Variants in FCHSD1 observed in about 807,000 individuals in gnomAD.
The protein encoded by FCHSD1 is F-BAR and double SH3 domains protein 1.
In FCHSD1, 109 loss-of-function variants were observed where a neutral mutation model predicts 101.3. The observed-to-expected ratio is 1.08, with a 90% confidence interval of 0.92 to 1.26. The LOEUF (loss-of-function observed/expected upper bound fraction) is 1.26. Among genes scored for constraint, FCHSD1 ranks in the 50% most tolerant of loss-of-function variants. The pLI is 0.00. For missense variants in FCHSD1, 820 were observed against 895.8 expected (o/e 0.92, Z 1.08); for synonymous variants, 291 against 356.8 (o/e 0.82, Z 2.08).
Position 141,640,624 on chromosome 5 carries a change from C to G in FCHSD1, c.*874G>C, listed in dbSNP as rs1410605800. On this transcript the variant is annotated 3_prime_UTR_variant, in exon 20 of 20. Transcript: ENST00000435817. ...CTGGAGCCCCAGGGGAAAAGCTGGA[C>G]ACAGCTTGAACAGGAAGCAACAGTG... is the stretch of plus-strand genomic sequence containing the variant. 3 of 1,539,472 alleles carry G rather than the reference C, an allele frequency of 1.9e-6. No homozygotes were observed. Among genetic ancestry groups the G allele is most frequent in the Non-Finnish European group, 2.6e-6 (3 of 1,144,864 alleles).
In FCHSD1 at chr5:141,649,904, G is replaced by A. The variant is rs370538741; in HGVS notation, c.216C>T (p.Ser72=). The part of the protein sequence containing the change: ...GPFLKREGHR[S]GEMDSRGRTV... ...GGGCCCACCTGCTGTCCATCTCACC[G>A]CTCCGGTGCCCTTCCCTCTTCAGGA... is the stretch of plus-strand genomic sequence containing the variant. The change falls in exon 4 of 20, where the codon AGC becomes AGT. Residue 72 remains serine (S), a synonymous_variant. Transcript: ENST00000435817. The surrounding 1 kb of genome is among the most constrained non-coding windows in gnomAD (Gnocchi z 4.1). 45 of 1,549,614 alleles carry A rather than the reference G, an allele frequency of 2.9e-5. No homozygotes were observed. Among genetic ancestry groups the A allele is most frequent in the Admixed American group, 1.4e-4 (7 of 49,554 alleles).
At chr5:141,650,891 G>A (rs1236356566) in intron 2 of FCHSD1, 129 bp downstream of exon 2, 1 of 854,044 alleles carries the variant, frequency 1.2e-6, no homozygotes, top group African/African-American at 1.7e-5. Flanking sequence ...CAGGCCTAGG[G>A]TGAGGGCTGT....
intron 18 of FCHSD1, chr5:141,642,208 A>G: frequency 1.9e-6 from 1 of 535,530 alleles, no homozygotes; most frequent in South Asian, 2.4e-5. Context: ...AGCAACATGA[A>G]TGGAGTTGGA....
intron 2 of FCHSD1, 92 bp from the exon 3 acceptor site, chr5:141,650,496 G>C (rs1383551321): frequency 1.6e-5 from 24 of 1,525,876 alleles, no homozygotes; most frequent in Non-Finnish European, 2.1e-5. Flanking sequence ...GGGCAGGAGG[G>C]AGCGGTTGGG....
At chr5:141,647,005 G>T in intron 10 of FCHSD1, 130 bp downstream of exon 10, 1 of 960,134 alleles carries the variant, frequency 1.0e-6, no homozygotes, top group Non-Finnish European at 1.5e-6. Context: ...AGGGAGGTGA[G>T]CTGGAGTTCT....
chr5:141,645,311 T>C (rs1562387701), intron 13 of FCHSD1, among the ~76,000 whole-genome samples, 163 bp from the exon 14 acceptor site: 1 of 136,140 alleles, frequency 7.3e-6, no homozygotes, highest in African/African-American at 2.9e-5. Context: ...AGCAGGATAA[T>C]ACTAACAGTA....
At chr5:141,646,220 G>C in intron 11 of FCHSD1, 29 bp from the exon 12 acceptor site, 2 of 1,560,490 alleles carry the variant, frequency 1.3e-6, no homozygotes, top group Non-Finnish European at 1.7e-6. Flanking sequence ...AACAGGGGTG[G>C]GTGGAAATAC....
chr5:141,647,943 T>C (rs764283802), intron 8 of FCHSD1, 25 bp downstream of exon 8: 3 of 1,609,956 alleles, frequency 1.9e-6, no homozygotes, highest in Non-Finnish European at 2.5e-6. Context: ...TGCTGAGGGA[T>C]AGGGGTGTCT....
chr5:141,642,578 A>C, intron 18 of FCHSD1: 2 of 552,742 alleles, frequency 3.6e-6, no homozygotes, highest in Non-Finnish European at 6.3e-6. Flanking sequence ...AAAAATAATG[A>C]TACAAAGCTA....
chr5:141,647,171 G>A lies in FCHSD1; in HGVS notation c.888C>T (p.Thr296=), dbSNP rs1261158630. The change falls in exon 10 of 20, where the codon ACC becomes ACT. Residue 296 remains threonine, a synonymous_variant. Transcript: ENST00000435817. ...CTGCTGGCTGAAACTGCTGAGGTGG[G>A]GTGGGGGAAAATACACCAGGCTCCT... The part of the protein sequence containing the change: ...FLQEPGVFSP[T]PPQQFQPAGT... 2 of 1,609,884 alleles carry A rather than the reference G, an allele frequency of 1.2e-6. No homozygotes were observed. The highest frequency in any genetic ancestry group is 1.7e-5 in the Admixed American group (1 of 59,408).
In FCHSD1 at chr5:141,639,808, A is replaced by G. The variant is rs1199038488; in HGVS notation, c.*1690T>C. ...CCCACAATCTGAGAAGGCCTCCCCTACCTTAGGCCAGAGGGAAGTAGCCAC... is the reference window on the plus strand; with the variant it reads ...CCCACAATCTGAGAAGGCCTCCCCTGCCTTAGGCCAGAGGGAAGTAGCCAC... On this transcript the variant is annotated 3_prime_UTR_variant, in exon 20 of 20. Coordinates refer to ENST00000435817, the MANE Select transcript of FCHSD1 (RefSeq NM_033449.3). The surrounding 1 kb of genome is among the most constrained non-coding windows in gnomAD (Gnocchi z 4.4). 2.3e-6 allele frequency: 3 copies of G among 1,330,928 alleles called. No individual in the cohort carries two copies. The highest frequency in any genetic ancestry group is 2.3e-5 in the East Asian group (1 of 43,598). 82.4% of individuals were successfully genotyped at this position (1,330,928 alleles called of 1,614,324 possible). A position where few individuals can be genotyped will look rare whatever the true frequency, so the allele number is the denominator to read the frequency against.
In FCHSD1 at chr5:141,639,825, A is replaced by G. The variant is rs912795656; in HGVS notation, c.*1673T>C. 2 of 1,405,486 alleles carry G rather than the reference A, an allele frequency of 1.4e-6. No homozygotes were observed. Among genetic ancestry groups the G allele is most frequent in the African/African-American group, 1.4e-5 (1 of 70,620 alleles). The allele number at this position is 1,405,486 out of a possible 1,614,324, so 87.1% of individuals were successfully genotyped here. On this transcript the variant is annotated 3_prime_UTR_variant, in exon 20 of 20. Transcript: ENST00000435817. This position sits in a 1 kb window ranked among gnomAD's most constrained non-coding sequence, Gnocchi z 4.4. ...CCTCCCCTACCTTAGGCCAGAGGGAAGTAGCCACCAAACTCAGGATGTCCC... is the reference window on the plus strand; with the variant it reads ...CCTCCCCTACCTTAGGCCAGAGGGAGGTAGCCACCAAACTCAGGATGTCCC...
rs763183547 is a variant in FCHSD1 at position 141,641,469 on chromosome 5, A to C, written c.*29T>G. The C allele has an allele frequency of 1.7e-5, 25 of 1,463,118 alleles. No homozygotes were observed. The highest frequency in any genetic ancestry group is 2.1e-5 in the Non-Finnish European group (23 of 1,105,636). The allele number at this position is 1,463,118 out of a possible 1,614,324, so 90.6% of individuals were successfully genotyped here. A position where few individuals can be genotyped will look rare whatever the true frequency, so the allele number is the denominator to read the frequency against. Reference sequence around the variant, plus strand: ...ACAGCTTGAAGATAGGGACAGCAGCATCACTGGGGGTCAAGGCTTCCCTGG... The same window carrying C: ...ACAGCTTGAAGATAGGGACAGCAGCCTCACTGGGGGTCAAGGCTTCCCTGG... On this transcript the variant is annotated 3_prime_UTR_variant, in exon 20 of 20. Coordinates refer to ENST00000435817, the MANE Select transcript of FCHSD1 (RefSeq NM_033449.3).
intron 3 of FCHSD1, 87 bp downstream of exon 3, chr5:141,650,272 C>G: frequency 6.4e-7 from 1 of 1,566,018 alleles, no homozygotes; most frequent in East Asian, 2.2e-5. Flanking sequence ...CTGCTCTTGA[C>G]CACAATAGGG....
At chr5:141,641,939 C>T in intron 18 of FCHSD1, 182 bp from the exon 19 acceptor site, 1 of 671,702 alleles carries the variant, frequency 1.5e-6, no homozygotes, top group East Asian at 2.7e-5. Flanking sequence ...GTATAATCAG[C>T]TCTGCTCAAG....
Position 141,649,098 on chromosome 5 carries a change from A to G in FCHSD1, c.512+74T>C. On this transcript the variant is annotated intron_variant, in intron 6 of 19. Transcript: ENST00000435817. This position sits in a 1 kb window ranked among gnomAD's most constrained non-coding sequence, Gnocchi z 4.1. ...ATCAGAGTCAGGCCCAGCTTTGGTGACTTGGCTCCACCCCTAGACAGCCCC... is the reference window on the plus strand; with the variant it reads ...ATCAGAGTCAGGCCCAGCTTTGGTGGCTTGGCTCCACCCCTAGACAGCCCC... The G allele has an allele frequency of 6.2e-7, 1 of 1,613,792 alleles. No homozygotes were observed. Among genetic ancestry groups the G allele is most frequent in the Non-Finnish European group, 8.5e-7 (1 of 1,179,744 alleles).
chr5:141,649,744 A>G lies in FCHSD1; in HGVS notation c.233+143T>C. 8.3e-7 allele frequency: 1 copy of G among 1,199,210 alleles called. No individual in the cohort carries two copies. Among genetic ancestry groups the G allele is most frequent in the Non-Finnish European group, 1.2e-6 (1 of 868,970 alleles). The allele number at this position is 1,199,210 out of a possible 1,614,324, so 74.3% of individuals were successfully genotyped here. On this transcript the variant is annotated intron_variant, in intron 4 of 19. Coordinates refer to ENST00000435817, the MANE Select transcript of FCHSD1 (RefSeq NM_033449.3). The surrounding 1 kb of genome is among the most constrained non-coding windows in gnomAD (Gnocchi z 4.1). ...CCACCCACAGTGTCCTTGCTGGGTC[A>G]GCTCCTCTGCTGCTGCTGTGTCAGC...
rs776838981 is a variant in FCHSD1 at position 141,650,407 on chromosome 5, G to A, written c.120-3C>T. Reference sequence around the variant, plus strand: ...CTGCCCTCTGCTTGCTGTAGGATCTGCGGAGATTGCAGGTCGGGGGTGAGG... The same window carrying A: ...CTGCCCTCTGCTTGCTGTAGGATCTACGGAGATTGCAGGTCGGGGGTGAGG... On this transcript the variant is annotated splice_region_variant and splice_polypyrimidine_tract_variant and intron_variant, in intron 2 of 19. Coordinates refer to ENST00000435817, the MANE Select transcript of FCHSD1 (RefSeq NM_033449.3). 2.5e-6 allele frequency: 4 copies of A among 1,613,906 alleles called. No homozygotes were observed. The Admixed American group carries it at 5.0e-5, about 20-fold the overall frequency.
intron 13 of FCHSD1, 136 bp from the exon 14 acceptor site, chr5:141,645,284 A>C: frequency 8.1e-7 from 1 of 1,229,462 alleles, no homozygotes; most frequent in Non-Finnish European, 1.1e-6. Context: ...CCATGTACAC[A>C]ACCACAGTCA....
Sources: allele counts gnomAD v4.1 joint callset (sites outside exome capture counted in the v4.1 genomes callset), GRCh38; gene constraint gnomAD v4.1.1; non-coding constraint Gnocchi (gnomAD v3.1); transcripts MANE v1.5; gene names NCBI Gene and HGNC (gene_info 2026-07-23, HGNC 2026-07-21).